The following AS3MT variants were observed in gnomAD, a reference collection of about 807,000 sequenced individuals.
The protein encoded by AS3MT is arsenite methyltransferase, also known as S-adenosyl-L-methionine:arsenic(III) methyltransferase.
A neutral mutation model predicts 45.3 loss-of-function variants in AS3MT; 47 were observed. That is an observed-to-expected ratio of 1.04 (90% confidence interval 0.82 to 1.32). AS3MT has a LOEUF of 1.32. Among genes scored for constraint, AS3MT ranks in the 40% most tolerant of loss-of-function variants. The pLI, the probability that AS3MT is intolerant of heterozygous loss-of-function variation, is 0.00. For synonymous variants in AS3MT, 141 were observed against 152.8 expected, an observed-to-expected ratio of 0.92 and a Z score of 0.57; for missense variants, 396 against 451.1, an observed-to-expected ratio of 0.88 and a Z score of 1.11.
In AS3MT at chr10:102,900,976, A is replaced by G. The variant is rs934376199; in HGVS notation, c.*276A>G. 2 of 249,882 alleles carry G rather than the reference A, an allele frequency of 8.0e-6. No homozygotes were observed. The highest frequency in any genetic ancestry group is 4.5e-5 in the African/African-American group (2 of 44,718). The allele number at this position is 249,882 out of a possible 1,614,324, so 15.5% of individuals were successfully genotyped here. On this transcript the variant is annotated 3_prime_UTR_variant, in exon 11 of 11. Coordinates refer to ENST00000369880, the MANE Select transcript of AS3MT (RefSeq NM_020682.4). ...GTGGTGCACACCTATAGTCTCAGCT[A>G]CTCGGGAGGCTGAGGCAGGAGAATT...
chr10:102,873,007 A>C (rs2134110440), intron 4 of AS3MT, 90 bp from the exon 5 acceptor site: 1 of 1,047,126 alleles, frequency 9.5e-7, no homozygotes, highest in South Asian at 1.7e-5. Flanking sequence ...AATCTAGGGG[A>C]AGTATATTCT....
intron 6 of AS3MT, among the ~76,000 whole-genome samples, chr10:102,875,497 A>G (rs1231645601): frequency 1.3e-5 from 2 of 150,896 alleles, no homozygotes; most frequent in Admixed American, 6.6e-5. Flanking sequence ...AAAAAAAAAA[A>G]AGATTCTAGC....
At position 102,877,752 on chromosome 10, in the gene AS3MT, T is replaced by C. The variant is rs944256524; in HGVS notation, c.611-627T>C. Among the ~76,000 whole-genome samples, 377 of 138,828 alleles carry C rather than the reference T, an allele frequency of 2.7e-3. 2 individuals carry two copies. Among genetic ancestry groups the C allele is most frequent in the African/African-American group, 8.6e-3 (316 of 36,848 alleles). The allele number at this position is 138,828 out of a possible 152,430, so 91.1% of individuals were successfully genotyped here. A position where few individuals can be genotyped will look rare whatever the true frequency, so the allele number is the denominator to read the frequency against. On this transcript the variant is annotated intron_variant, in intron 7 of 10. Coordinates refer to ENST00000369880, the MANE Select transcript of AS3MT (RefSeq NM_020682.4). ...CATATAACCCAGTGATAACTTCTTTTTTTTTTTTTTTTTTTTTTGAGATGG... is the reference window on the plus strand; with the variant it reads ...CATATAACCCAGTGATAACTTCTTTCTTTTTTTTTTTTTTTTTTGAGATGG...
chr10:102,883,946 A>G (rs1453669568), intron 9 of AS3MT, among the ~76,000 whole-genome samples: 1 of 149,882 alleles, frequency 6.7e-6, no homozygotes, highest in Non-Finnish European at 1.5e-5. Flanking sequence ...TCTTTTAGCA[A>G]TTTTCTTTTT....
At chr10:102,870,899 C>G (rs990428911) in intron 3 of AS3MT, among the ~76,000 whole-genome samples, 1 of 152,190 alleles carries the variant, frequency 6.6e-6, no homozygotes, top group African/African-American at 2.4e-5. Flanking sequence ...TCGGTCTGTC[C>G]GTAAATCACG....
chr10:102,891,380 C>A lies in AS3MT; in HGVS notation c.1020+702C>A, dbSNP rs533792545. On this transcript the variant is annotated intron_variant, in intron 10 of 10. Transcript: ENST00000369880. ...TAACAAGTTCTCCAAAATTCAGAGA[C>A]CTTTCGTGAGTATTCTGATTTTATA... Among the ~76,000 whole-genome samples the A allele has an allele frequency of 3.3e-5, 5 of 152,288 alleles. No individual in the cohort carries two copies. The South Asian group carries it at 8.3e-4, about 25-fold the overall frequency.
In AS3MT at chr10:102,900,768, C is replaced by G. The variant is rs1845257065; in HGVS notation, c.*68C>G. On this transcript the variant is annotated 3_prime_UTR_variant, in exon 11 of 11. Coordinates refer to ENST00000369880, the MANE Select transcript of AS3MT (RefSeq NM_020682.4). Reference sequence around the variant, plus strand: ...TCTGCATGTTTTTTAACCTGCTTTTCCCCATAGCACAGACCATAAGAAACA... The same window carrying G: ...TCTGCATGTTTTTTAACCTGCTTTTGCCCATAGCACAGACCATAAGAAACA... The G allele has an allele frequency of 4.1e-6, 5 of 1,217,936 alleles. No homozygotes were observed. In the Admixed American group the frequency reaches 5.2e-5, roughly 13 times the overall value. 75.4% of individuals were successfully genotyped at this position (1,217,936 alleles called of 1,614,324 possible).
chr10:102,875,106 A>G (rs1844761698), intron 6 of AS3MT, among the ~76,000 whole-genome samples: 1 of 152,164 alleles, frequency 6.6e-6, no homozygotes, highest in South Asian at 2.1e-4. Context: ...TTTTACATTA[A>G]CTACTTGCTA....
Position 102,878,903 on chromosome 10 carries a change from G to A in AS3MT, c.797G>A (p.Gly266Glu). 1.2e-6 allele frequency: 2 copies of A among 1,614,040 alleles called. No homozygotes were observed. Among genetic ancestry groups the A allele is most frequent in the Non-Finnish European group, 8.5e-7 (1 of 1,179,988 alleles). The change falls in exon 9 of 11, where the codon GGA becomes GAA. Residue 266 changes from glycine to glutamate, a missense_variant. Transcript: ENST00000369880. Reference protein sequence around the residue: ...TFRLFKHSKTGPTKRCQVIYN... With the variant: ...TFRLFKHSKTEPTKRCQVIYN... Reference sequence around the variant, plus strand: ...CGCCTCTTCAAACACTCTAAGACAGGACCAACCAAGAGATGCCAAGTTATT... The same window carrying A: ...CGCCTCTTCAAACACTCTAAGACAGAACCAACCAAGAGATGCCAAGTTATT...
intron 9 of AS3MT, among the ~76,000 whole-genome samples, chr10:102,890,101 C>A (rs1162100131): frequency 6.6e-6 from 1 of 150,774 alleles, no homozygotes; most frequent in Non-Finnish European, 1.5e-5. Context: ...CCCGGGTTCA[C>A]ACCATTCTCC....
Position 102,885,719 on chromosome 10 carries a change from CG to C in AS3MT, c.886-4821del, listed in dbSNP as rs1365595000. Among the ~76,000 whole-genome samples the C allele has an allele frequency of 4.7e-5, 5 of 106,982 alleles. 2 individuals carry two copies. The South Asian group carries it at 1.4e-3, about 29-fold the overall frequency. 70.2% of individuals were successfully genotyped at this position (106,982 alleles called of 152,430 possible). On this transcript the variant is annotated intron_variant, in intron 9 of 10. Coordinates refer to ENST00000369880, the MANE Select transcript of AS3MT (RefSeq NM_020682.4). ...TAATTTTTTGTATTTTTAGTAGAGA[CG>C]GGGTTTCACCGTTTTAGCCGGGATG...
intron 10 of AS3MT, among the ~76,000 whole-genome samples, chr10:102,900,257 A>G (rs1420941501): frequency 2.6e-5 from 4 of 152,234 alleles, no homozygotes; most frequent in African/African-American, 9.6e-5. Context: ...AAGTCGTTTT[A>G]GCATTTCCGT....
intron 6 of AS3MT, among the ~76,000 whole-genome samples, chr10:102,875,198 C>T (rs1388464077): frequency 6.6e-6 from 1 of 152,040 alleles, no homozygotes; most frequent in African/African-American, 2.4e-5. Context: ...AATATTCAGC[C>T]AGGTGCGGTA....
intron 9 of AS3MT, among the ~76,000 whole-genome samples, chr10:102,890,317 T>C (rs1018855594): frequency 6.6e-6 from 1 of 152,106 alleles, no homozygotes; most frequent in Non-Finnish European, 1.5e-5. Context: ...TCTTTAGATA[T>C]ATACCCAAGT....
At chr10:102,895,366 A>AT (rs1193472307) in intron 10 of AS3MT, among the ~76,000 whole-genome samples, 1 of 151,574 alleles carries the variant, frequency 6.6e-6, no homozygotes, top group African/African-American at 2.4e-5. Context: ...TGCCTGGCTA[A>AT]TTTTTTGTAT....
chr10:102,891,971 AAAAG>A (rs1845078981), intron 10 of AS3MT, among the ~76,000 whole-genome samples: 1 of 151,006 alleles, frequency 6.6e-6, no homozygotes, highest in African/African-American at 2.4e-5. Flanking sequence ...AAAAAAAAAA[AAAAG>A]AAAGAAGGCT....
chr10:102,878,508 T>C lies in AS3MT; in HGVS notation c.740T>C (p.Ile247Thr). The change falls in exon 8 of 11, where the codon ATC (isoleucine) becomes ACC (threonine). Residue 247 changes from isoleucine to threonine, a missense_variant and splice_region_variant. Transcript: ENST00000369880. Reference protein sequence around the residue: ...TIQNKELERVIGDCRFVSATF... With the variant: ...TIQNKELERVTGDCRFVSATF... ...CAAAACAAGGAACTGGAAAGAGTTA[T>C]CGGTAAGATATGACAGACAGCAGGG... The C allele has an allele frequency of 2.5e-6, 4 of 1,613,994 alleles. No homozygotes were observed. Among genetic ancestry groups the C allele is most frequent in the African/African-American group, 1.3e-5 (1 of 75,034 alleles).
chr10:102,899,949 G>T (rs1845244655), intron 10 of AS3MT, among the ~76,000 whole-genome samples: 2 of 152,190 alleles, frequency 1.3e-5, no homozygotes, highest in South Asian at 4.1e-4. Context: ...TTACAGGCGT[G>T]AGCCACCGTG....
intron 3 of AS3MT, among the ~76,000 whole-genome samples, chr10:102,871,609 T>TC (rs1844688443): frequency 7.4e-6 from 1 of 134,982 alleles, no homozygotes; most frequent in African/African-American, 2.8e-5. Context: ...GCGCTCGTAG[T>TC]CCTAGCTACT....
Sources: gnomAD v4.1 joint callset for allele counts (sites outside exome capture counted in the v4.1 genomes callset) on GRCh38, gnomAD v4.1.1 for gene constraint, MANE v1.5 for transcripts, NCBI Gene and HGNC (gene_info 2026-07-23, HGNC 2026-07-21) for gene names.